The following FRMD4A variants were observed in gnomAD, a reference collection of about 807,000 sequenced individuals.
FRMD4A encodes FERM domain containing 4A, also known as FERM domain-containing protein 4A.
Under a neutral mutation model 129.1 loss-of-function variants are expected in FRMD4A, and 29 were observed. The ratio of observed to expected loss-of-function variants is 0.22; its 90% CI spans 0.17 to 0.31. The LOEUF (loss-of-function observed/expected upper bound fraction) is 0.31, where lower values mean the gene tolerates loss of function less well. Among genes scored for constraint, FRMD4A ranks in the 10% least tolerant of loss-of-function variants. The probability of loss-of-function intolerance (pLI) is 1.00; values close to 1 mark genes in which losing one functional copy is unlikely to be tolerated. For missense variants in FRMD4A, 1,272 were observed against 1,375.8 expected (o/e 0.92, Z 1.19); for synonymous variants, 634 against 571.6 (o/e 1.11, Z -1.56).
At chr10:13,995,836 T>G (rs1459758083) in intron 2 of FRMD4A, among the ~76,000 whole-genome samples, 2 of 148,320 alleles carry the variant, frequency 1.3e-5, no homozygotes, top group Non-Finnish European at 3.0e-5. Context: ...TTTTTTTTTC[T>G]TAATGAGCTC....
intron 2 of FRMD4A, among the ~76,000 whole-genome samples, chr10:14,305,334 G>T (rs1846313324): frequency 6.6e-6 from 1 of 152,066 alleles, no homozygotes; most frequent in Non-Finnish European, 1.5e-5. Flanking sequence ...AATACACTAA[G>T]GTAGCATACT....
At chr10:13,843,555 T>A (rs1034320002) in intron 3 of FRMD4A, among the ~76,000 whole-genome samples, 2 of 152,208 alleles carry the variant, frequency 1.3e-5, no homozygotes, top group African/African-American at 4.8e-5. Flanking sequence ...TGGAGTTCAG[T>A]GGCACGATCT....
At chr10:14,182,575 T>C (rs968293195) in intron 2 of FRMD4A, among the ~76,000 whole-genome samples, 3 of 152,074 alleles carry the variant, frequency 2.0e-5, no homozygotes, top group Non-Finnish European at 4.4e-5. Context: ...TTTCTCTAAT[T>C]GGCCTATCCT....
At chr10:13,795,290 T>C (rs2093090049) in intron 5 of FRMD4A, among the ~76,000 whole-genome samples, 1 of 152,248 alleles carries the variant, frequency 6.6e-6, no homozygotes, top group Non-Finnish European at 1.5e-5. Context: ...AAAGAGAATA[T>C]GGCATTGAAA....
At chr10:14,128,099 T>TC (rs778290158) in intron 2 of FRMD4A, among the ~76,000 whole-genome samples, 1 of 79,694 alleles carries the variant, frequency 1.3e-5, no homozygotes, top group Admixed American at 1.3e-4. Flanking sequence ...TTTCTTTCTT[T>TC]CTTTCTTTTC....
chr10:14,317,679 TAGGAAGGGAAC>T, intron 2 of FRMD4A, among the ~76,000 whole-genome samples: 1 of 127,406 alleles, frequency 7.8e-6, no homozygotes, highest in Non-Finnish European at 1.6e-5. Flanking sequence ...GAGAAGAGAA[TAGGAAGGGAAC>T]AGGAAGGGAG....
At chr10:14,162,139 A>G (rs1460131093) in intron 2 of FRMD4A, among the ~76,000 whole-genome samples, 1 of 152,110 alleles carries the variant, frequency 6.6e-6, no homozygotes, top group Non-Finnish European at 1.5e-5. Context: ...TAAAACCTTC[A>G]AAATCTGGTG....
intron 2 of FRMD4A, among the ~76,000 whole-genome samples, chr10:13,956,932 C>T (rs2095413186): frequency 6.6e-6 from 1 of 152,210 alleles, no homozygotes; most frequent in Non-Finnish European, 1.5e-5. Flanking sequence ...ACAATAAGTT[C>T]CACATTTGTT....
At chr10:14,225,461 T>C (rs1843403858) in intron 2 of FRMD4A, among the ~76,000 whole-genome samples, 1 of 152,256 alleles carries the variant, frequency 6.6e-6, no homozygotes, top group Admixed American at 6.5e-5. Flanking sequence ...TGCCTTCATT[T>C]GCATGAAGTG....
intron 2 of FRMD4A, among the ~76,000 whole-genome samples, chr10:14,174,572 C>T (rs1033255355): frequency 1.5e-5 from 2 of 134,100 alleles, no homozygotes; most frequent in Non-Finnish European, 3.2e-5. Context: ...ATTCGTTCAT[C>T]ATTCCTTCCT....
chr10:13,713,439 A>C (rs1210907079), intron 12 of FRMD4A, among the ~76,000 whole-genome samples: 1 of 152,210 alleles, frequency 6.6e-6, no homozygotes, highest in Non-Finnish European at 1.5e-5. Flanking sequence ...GACAGGAATA[A>C]TCTCCAAGCT....
intron 2 of FRMD4A, among the ~76,000 whole-genome samples, chr10:14,141,858 C>G (rs999936023): frequency 6.6e-6 from 1 of 152,104 alleles, no homozygotes; most frequent in African/African-American, 2.4e-5. Context: ...TGTGTTTCAC[C>G]CACAACATTA....
At chr10:13,898,797 G>A (rs2094787231) in intron 2 of FRMD4A, among the ~76,000 whole-genome samples, 2 of 152,204 alleles carry the variant, frequency 1.3e-5, no homozygotes, top group African/African-American at 4.8e-5. Context: ...GTGTAATCCT[G>A]TCCTTGGAGC....
chr10:13,775,373 T>C (rs1486200539), intron 6 of FRMD4A, among the ~76,000 whole-genome samples: 1 of 152,170 alleles, frequency 6.6e-6, no homozygotes, highest in Admixed American at 6.5e-5. Context: ...TCACATACAA[T>C]GGATAGGATG....
chr10:14,330,904 A>T lies in FRMD4A; in HGVS notation c.-389T>A, dbSNP rs1015248659. 1.8e-5 allele frequency: 7 copies of T among 398,516 alleles called. No homozygotes were observed. The highest frequency in any genetic ancestry group is 3.1e-5 in the Non-Finnish European group (7 of 226,108). 24.7% of individuals were successfully genotyped at this position (398,516 alleles called of 1,614,324 possible). A position where few individuals can be genotyped will look rare whatever the true frequency, so the allele number is the denominator to read the frequency against. On this transcript the variant is annotated 5_prime_UTR_variant, in exon 1 of 25. The change creates a premature stop within an existing upstream ORF in the 5' untranslated region. Coordinates refer to ENST00000357447, the MANE Select transcript of FRMD4A (RefSeq NM_018027.5). ...GCGTTCTGATCTCCCTGGCTGTACCACATGTACGCCGCATACAGACACACT... is the reference window on the plus strand; with the variant it reads ...GCGTTCTGATCTCCCTGGCTGTACCTCATGTACGCCGCATACAGACACACT...
intron 9 of FRMD4A, among the ~76,000 whole-genome samples, chr10:13,743,061 T>C (rs1347999646): frequency 6.6e-6 from 1 of 152,172 alleles, no homozygotes; most frequent in East Asian, 1.9e-4. Context: ...GAAGGGTCTT[T>C]ATAAATACCC....
intron 2 of FRMD4A, among the ~76,000 whole-genome samples, chr10:14,240,773 T>C (rs575007972): frequency 6.6e-6 from 1 of 152,340 alleles, no homozygotes; most frequent in East Asian, 1.9e-4. Context: ...CTTCATTCTC[T>C]TTCCTGTTTA....
intron 2 of FRMD4A, among the ~76,000 whole-genome samples, chr10:14,128,098 TTC>T (rs1839025804): frequency 1.4e-5 from 1 of 71,238 alleles, no homozygotes; most frequent in African/African-American, 4.8e-5. Context: ...CTTTCTTTCT[TTC>T]TTTCTTTTCT....
intron 2 of FRMD4A, among the ~76,000 whole-genome samples, chr10:14,063,516 G>T (rs551107716): frequency 1.3e-4 from 19 of 151,708 alleles, no homozygotes; most frequent in Admixed American, 7.9e-4. Flanking sequence ...GAGCTGGAAA[G>T]TGTGATAAAA....
Sources: gnomAD v4.1 joint callset for allele counts (sites outside exome capture counted in the v4.1 genomes callset) on GRCh38, gnomAD v4.1.1 for gene constraint, MANE v1.5 for transcripts, NCBI Gene and HGNC (gene_info 2026-07-23, HGNC 2026-07-21) for gene names.